DCDC1: variants seen among roughly 807,000 people sequenced by gnomAD.
DCDC1 encodes doublecortin domain-containing protein 1.
A neutral mutation model predicts 178.3 loss-of-function variants in DCDC1; 200 were observed. The ratio of observed to expected loss-of-function variants is 1.12; its 90% CI spans 1.00 to 1.26. The LOEUF (loss-of-function observed/expected upper bound fraction) is 1.26. Among genes scored for constraint, DCDC1 ranks in the 50% most tolerant of loss-of-function variants. DCDC1 has a pLI of 0.00. For missense variants in DCDC1, 1,983 were observed against 1,749.2 expected (o/e 1.13, Z -2.38); for synonymous variants, 690 against 604.8 (o/e 1.14, Z -2.07).
chr11:31,362,948 A>G (rs960032901), intron 1 of DCDC1, among the ~76,000 whole-genome samples: 8 of 150,788 alleles, frequency 5.3e-5, no homozygotes, highest in Non-Finnish European at 1.0e-4. Flanking sequence ...GTAAACTGAC[A>G]TAAGTAATAA....
intron 10 of DCDC1, among the ~76,000 whole-genome samples, chr11:31,134,217 T>C (rs549923366): frequency 1.3e-5 from 2 of 152,380 alleles, no homozygotes; most frequent in South Asian, 2.1e-4. Context: ...AATGGGGTTA[T>C]GTTGATAGCA....
At chr11:31,199,918 T>C (rs1971100274) in intron 9 of DCDC1, among the ~76,000 whole-genome samples, 1 of 152,146 alleles carries the variant, frequency 6.6e-6, no homozygotes, top group Non-Finnish European at 1.5e-5. Context: ...TGAAAAATAC[T>C]AAAGCAAATG....
In DCDC1 at chr11:30,968,711, TTA is replaced by T. The variant is rs71451193; in HGVS notation, c.2592-16145_2592-16144del. On this transcript the variant is annotated intron_variant, in intron 20 of 38. Coordinates refer to ENST00000684477, the MANE Select transcript of DCDC1 (RefSeq NM_001387274.1). ...TATATCAAATTATATATATATCAAA[TTA>T]TATATATATATATATATATATATGG... Among the ~76,000 whole-genome samples, 441 of 60,992 alleles carry T rather than the reference TTA, an allele frequency of 7.2e-3. 46 individuals are homozygous for T. Among genetic ancestry groups the T allele is most frequent in the African/African-American group, 0.025 (316 of 12,760 alleles). The allele number at this position is 60,992 out of a possible 152,430, so 40.0% of individuals were successfully genotyped here.
At chr11:31,348,854 A>AAAT (rs1457764424) in intron 1 of DCDC1, among the ~76,000 whole-genome samples, 1 of 152,202 alleles carries the variant, frequency 6.6e-6, no homozygotes, top group Non-Finnish European at 1.5e-5. Flanking sequence ...GGTGTTGTGT[A>AAAT]AATATGTAAA....
intron 37 of DCDC1, among the ~76,000 whole-genome samples, chr11:30,879,636 A>C (rs1942464926): frequency 6.6e-6 from 1 of 152,210 alleles, no homozygotes; most frequent in South Asian, 2.1e-4. Context: ...TGAAGATGCA[A>C]AAATGAACAT....
chr11:30,951,960 A>G (rs1346809252), intron 21 of DCDC1, among the ~76,000 whole-genome samples: 1 of 152,172 alleles, frequency 6.6e-6, no homozygotes, highest in African/African-American at 2.4e-5. Context: ...AAATTTTTAA[A>G]TGAACCATAT....
intron 1 of DCDC1, among the ~76,000 whole-genome samples, chr11:31,335,870 C>T (rs1231326318): frequency 1.3e-5 from 2 of 152,050 alleles, no homozygotes; most frequent in South Asian, 2.1e-4. Flanking sequence ...GAAGAGGAGT[C>T]CCAAATTAAG....
In DCDC1 at chr11:31,367,064, G is replaced by A. The variant is rs554498168; in HGVS notation, c.-125+2633C>T. Among the ~76,000 whole-genome samples the A allele has an allele frequency of 3.3e-5, 5 of 152,338 alleles. No individual in the cohort carries two copies. In the East Asian group the frequency reaches 9.6e-4, roughly 29 times the overall value. ...TAATCTCAGCACTTTGGGAGGCTGA[G>A]GCAGGCAGATTGCTTGAGCTCAAGA... On this transcript the variant is annotated intron_variant, in intron 1 of 38. Transcript: ENST00000684477.
chr11:31,358,106 C>A (rs1259312043), intron 1 of DCDC1, among the ~76,000 whole-genome samples: 1 of 150,132 alleles, frequency 6.7e-6, no homozygotes, highest in Non-Finnish European at 1.5e-5. Context: ...TCATATGGAA[C>A]CAAAAAAGAG....
chr11:30,933,424 A>G (rs918433362), intron 21 of DCDC1, among the ~76,000 whole-genome samples: 1 of 152,170 alleles, frequency 6.6e-6, no homozygotes, highest in Non-Finnish European at 1.5e-5. Context: ...AGATTTGCCT[A>G]TATGACTAAA....
intron 36 of DCDC1, among the ~76,000 whole-genome samples, chr11:30,887,301 A>C (rs1450260434): frequency 6.6e-6 from 1 of 152,226 alleles, no homozygotes; most frequent in African/African-American, 2.4e-5. Flanking sequence ...AAAAAGAGAT[A>C]TAAGGCATGA....
chr11:31,144,837 A>G lies in DCDC1; in HGVS notation c.1222-7053T>C, dbSNP rs550424385. Among the ~76,000 whole-genome samples the G allele has an allele frequency of 4.6e-5, 7 of 152,220 alleles. No homozygotes were observed. The South Asian group carries it at 1.5e-3, about 32-fold the overall frequency. ...ATATTAACTTATTGTCACATTGCAA[A>G]TATTTTCTCAGTATATTGTTGCTTT... On this transcript the variant is annotated intron_variant, in intron 9 of 38. Coordinates refer to ENST00000684477, the MANE Select transcript of DCDC1 (RefSeq NM_001387274.1).
At chr11:31,045,544 C>T (rs1954789054) in intron 20 of DCDC1, among the ~76,000 whole-genome samples, 1 of 152,068 alleles carries the variant, frequency 6.6e-6, no homozygotes, top group Non-Finnish European at 1.5e-5. Context: ...ACCAGGAATT[C>T]GTTTTGTAGC....
chr11:30,919,019 A>G (rs985965090), intron 25 of DCDC1, among the ~76,000 whole-genome samples: 1 of 152,124 alleles, frequency 6.6e-6, no homozygotes, highest in African/African-American at 2.4e-5. Context: ...TTTTTCAAAT[A>G]TGCAAAAAAC....
chr11:31,290,015 C>T (rs1947112605), intron 7 of DCDC1, among the ~76,000 whole-genome samples: 2 of 151,824 alleles, frequency 1.3e-5, no homozygotes, highest in Admixed American at 6.6e-5. Flanking sequence ...TTTCAAATTC[C>T]CATTAGCTCC....
chr11:31,269,155 T>C (rs1295236228), intron 7 of DCDC1, among the ~76,000 whole-genome samples: 1 of 152,210 alleles, frequency 6.6e-6, no homozygotes, highest in Non-Finnish European at 1.5e-5. Context: ...GTAATCATTT[T>C]CTCGGAGTAA....
rs115524795 is a variant in DCDC1, at chr11:31,210,432, G to A, written c.1221+31018C>T. ...TTACTGTGGAGTTAAGAATGGACCGGCCGGGCACGGTGGCTCATGCCTGTA... is the reference window on the plus strand; with the variant it reads ...TTACTGTGGAGTTAAGAATGGACCGACCGGGCACGGTGGCTCATGCCTGTA... On this transcript the variant is annotated intron_variant, in intron 9 of 38. Coordinates refer to ENST00000684477, the MANE Select transcript of DCDC1 (RefSeq NM_001387274.1). Among the ~76,000 whole-genome samples the A allele has an allele frequency of 6.0e-3, 906 of 152,248 alleles. 11 individuals carry two copies. The highest frequency in any genetic ancestry group is 0.021 in the African/African-American group (871 of 41,576).
intron 9 of DCDC1, among the ~76,000 whole-genome samples, chr11:31,225,717 A>G (rs904248139): frequency 1.3e-5 from 2 of 150,704 alleles, no homozygotes; most frequent in African/African-American, 4.9e-5. Context: ...AGGTAGATAT[A>G]TATCTATATC....
At chr11:31,244,283 A>G (rs1247242179) in intron 8 of DCDC1, among the ~76,000 whole-genome samples, 1 of 151,768 alleles carries the variant, frequency 6.6e-6, no homozygotes, top group Non-Finnish European at 1.5e-5. Flanking sequence ...ATAGATTTTA[A>G]CTGGATGTGA....
Sources: gnomAD v4.1 joint callset for allele counts (sites outside exome capture counted in the v4.1 genomes callset) on GRCh38, gnomAD v4.1.1 for gene constraint, MANE v1.5 for transcripts, NCBI Gene and HGNC (gene_info 2026-07-23, HGNC 2026-07-21) for gene names.